The following GPC5 variants were observed in gnomAD, a reference collection of about 807,000 sequenced individuals.
The protein encoded by GPC5 is glypican-5.
A neutral mutation model predicts 53.9 loss-of-function variants in GPC5; 47 were observed. The observed-to-expected ratio is 0.87, with a 90% confidence interval of 0.69 to 1.11. The LOEUF is 1.11. Ranked by LOEUF, GPC5 falls within the 50% of genes most tolerant of loss-of-function variation. GPC5 has a pLI of 0.00. For synonymous variants in GPC5, 286 were observed against 263.3 expected, an observed-to-expected ratio of 1.09 and a Z score of -0.84; for missense variants, 748 against 713.1, an observed-to-expected ratio of 1.05 and a Z score of -0.56.
intron 7 of GPC5, among the ~76,000 whole-genome samples, chr13:92,822,786 GC>G (rs930171183): frequency 2.0e-5 from 3 of 152,050 alleles, no homozygotes; most frequent in African/African-American, 7.2e-5. Context: ...CAAAAAAGAA[GC>G]AGATGTATCT....
intron 2 of GPC5, among the ~76,000 whole-genome samples, chr13:91,461,964 CAAT>C (rs1881956553): frequency 6.6e-6 from 1 of 152,044 alleles, no homozygotes; most frequent in South Asian, 2.1e-4. Context: ...ATTTGATGAA[CAAT>C]AATAATTGGT....
intron 6 of GPC5, among the ~76,000 whole-genome samples, chr13:92,060,768 A>G (rs1405712449): frequency 2.6e-5 from 2 of 77,710 alleles, no homozygotes; most frequent in Non-Finnish European, 5.4e-5. Flanking sequence ...GCTGTTGTCA[A>G]TTTTGAAAAA....
chr13:92,378,403 CCT>C (rs2043711964), intron 7 of GPC5, among the ~76,000 whole-genome samples: 2 of 152,156 alleles, frequency 1.3e-5, no homozygotes, highest in Non-Finnish European at 2.9e-5. Flanking sequence ...CTTCACATAT[CCT>C]TAGCTTCTCT....
chr13:92,719,664 G>T (rs962843022), intron 7 of GPC5, among the ~76,000 whole-genome samples: 3 of 152,040 alleles, frequency 2.0e-5, no homozygotes, highest in Non-Finnish European at 4.4e-5. Context: ...TCCCAAATTT[G>T]CCCAAGTCAC....
chr13:91,933,487 C>A (rs1185011335), intron 6 of GPC5, among the ~76,000 whole-genome samples: 1 of 151,878 alleles, frequency 6.6e-6, no homozygotes, highest in Non-Finnish European at 1.5e-5. Flanking sequence ...TTACTATACA[C>A]CCTGCAAAGG....
At chr13:92,640,413 C>A (rs1322341179) in intron 7 of GPC5, among the ~76,000 whole-genome samples, 1 of 152,058 alleles carries the variant, frequency 6.6e-6, no homozygotes, top group East Asian at 1.9e-4. Context: ...GCGCCCGCCA[C>A]CATGCCCAGC....
chr13:92,483,094 G>C (rs1320389688), intron 7 of GPC5, among the ~76,000 whole-genome samples: 1 of 152,170 alleles, frequency 6.6e-6, no homozygotes, highest in Non-Finnish European at 1.5e-5. Context: ...GAACAGTATG[G>C]AGGAAACCGT....
intron 7 of GPC5, among the ~76,000 whole-genome samples, chr13:92,789,500 G>T (rs1876386220): frequency 6.6e-6 from 1 of 151,986 alleles, no homozygotes; most frequent in African/African-American, 2.4e-5. Context: ...ACAAACTCAG[G>T]TCATTTATCA....
chr13:92,661,293 C>CAA (rs1010935119), intron 7 of GPC5, among the ~76,000 whole-genome samples: 1 of 137,986 alleles, frequency 7.2e-6, no homozygotes, highest in Non-Finnish European at 1.6e-5. Context: ...GACCCTCTCT[C>CAA]AAAAAAAAAC....
intron 3 of GPC5, among the ~76,000 whole-genome samples, chr13:91,696,772 T>C (rs1459554931): frequency 6.6e-6 from 1 of 152,236 alleles, no homozygotes; most frequent in African/African-American, 2.4e-5. Flanking sequence ...GGTTAATGTT[T>C]AGAGAAACAA....
intron 5 of GPC5, among the ~76,000 whole-genome samples, chr13:91,804,400 T>G (rs2038187099): frequency 6.6e-6 from 1 of 152,218 alleles, no homozygotes; most frequent in African/African-American, 2.4e-5. Flanking sequence ...CACTTCAAAG[T>G]GCCAGCACAT....
At chr13:92,480,225 A>T (rs1016768756) in intron 7 of GPC5, among the ~76,000 whole-genome samples, 9 of 152,202 alleles carry the variant, frequency 5.9e-5, no homozygotes, top group Non-Finnish European at 1.0e-4. Flanking sequence ...CTAACATCAG[A>T]TGGTGCTAAG....
chr13:92,476,923 T>C (rs1303062157), intron 7 of GPC5, among the ~76,000 whole-genome samples: 4 of 141,420 alleles, frequency 2.8e-5, no homozygotes, highest in African/African-American at 7.9e-5. Flanking sequence ...AGGGATAGCA[T>C]TGGGAGATAT....
At chr13:91,645,949 T>C (rs1226255252) in intron 2 of GPC5, among the ~76,000 whole-genome samples, 1 of 152,214 alleles carries the variant, frequency 6.6e-6, no homozygotes, top group Non-Finnish European at 1.5e-5. Context: ...AGGTGATCAT[T>C]GGCCCAAATG....
At chr13:91,621,761 TTATA>T (rs1555331079) in intron 2 of GPC5, among the ~76,000 whole-genome samples, 14 of 46,866 alleles carry the variant, frequency 3.0e-4, no homozygotes, top group African/African-American at 7.8e-4. Context: ...GGACAGAACA[TTATA>T]TATATATATA....
intron 5 of GPC5, among the ~76,000 whole-genome samples, chr13:91,815,926 C>G (rs1404845380): frequency 2.6e-5 from 4 of 152,124 alleles, no homozygotes; most frequent in South Asian, 4.1e-4. Context: ...CTCTGCTACC[C>G]CAGCACATCA....
At chr13:91,961,798 A>G (rs931678942) in intron 6 of GPC5, among the ~76,000 whole-genome samples, 3 of 152,040 alleles carry the variant, frequency 2.0e-5, no homozygotes, top group African/African-American at 4.8e-5. Context: ...GGCATTATCT[A>G]TGGTCCCACA....
intron 2 of GPC5, among the ~76,000 whole-genome samples, chr13:91,684,428 C>G (rs2035577074): frequency 6.6e-6 from 1 of 152,168 alleles, no homozygotes; most frequent in Admixed American, 6.5e-5. Context: ...CCGGCATACT[C>G]TTGCTTATCT....
At chr13:91,716,873 G>A (rs937696675) in intron 3 of GPC5, among the ~76,000 whole-genome samples, 4 of 152,202 alleles carry the variant, frequency 2.6e-5, no homozygotes, top group African/African-American at 9.6e-5. Context: ...CAACAAATGA[G>A]TTATTGAGAA....
Sources: allele counts gnomAD v4.1 joint callset (sites outside exome capture counted in the v4.1 genomes callset), GRCh38; gene constraint gnomAD v4.1.1; transcripts MANE v1.5; gene names NCBI Gene and HGNC (gene_info 2026-07-23, HGNC 2026-07-21).